Variants in EFNA5 observed in about 807,000 individuals in gnomAD.
EFNA5 encodes the protein ephrin-A5.
In EFNA5, 5 loss-of-function variants were observed where a neutral mutation model predicts 22.9. The observed-to-expected ratio is 0.22, with a 90% CI of 0.11 to 0.46. The LOEUF is 0.46. Ranked by LOEUF, EFNA5 falls within the 20% of genes least tolerant of loss-of-function variation. The pLI, the probability that EFNA5 is intolerant of heterozygous loss-of-function variation, is 0.99. For synonymous variants in EFNA5, 113 were observed against 112.2 expected, an observed-to-expected ratio of 1.01 and a Z score of -0.04; for missense variants, 237 against 293.3, an observed-to-expected ratio of 0.81 and a Z score of 1.40.
rs398065084 is a variant in EFNA5, at chr5:107,376,988, G to GT, written c.*4266dup. 0.063 allele frequency: 9,253 copies of GT among 146,668 alleles called. 921 individuals are homozygous for GT. The highest frequency in any genetic ancestry group is 0.21 in the African/African-American group (8,500 of 40,344). 9.1% of individuals were successfully genotyped at this position (146,668 alleles called of 1,614,324 possible). On this transcript the variant is annotated 3_prime_UTR_variant, in exon 5 of 5. Coordinates refer to ENST00000333274, the MANE Select transcript of EFNA5 (RefSeq NM_001962.3). ...ATCGTATGGGTTTGTTTGTGTGTGG[G>GT]TTTTTTTTTTTTACATTTTCTTTTA...
intron 1 of EFNA5, among the ~76,000 whole-genome samples, chr5:107,612,367 T>A (rs1050113560): frequency 6.6e-6 from 1 of 152,154 alleles, no homozygotes; most frequent in Non-Finnish European, 1.5e-5. Context: ...CCATCTTATA[T>A]GGCCTCCTCT....
At chr5:107,585,334 T>A (rs1270073040) in intron 1 of EFNA5, among the ~76,000 whole-genome samples, 1 of 152,168 alleles carries the variant, frequency 6.6e-6, no homozygotes, top group Admixed American at 6.5e-5. Flanking sequence ...TTGCACTACA[T>A]CAAGGGCACA....
At chr5:107,528,595 C>A (rs1296500624) in intron 1 of EFNA5, among the ~76,000 whole-genome samples, 1 of 152,074 alleles carries the variant, frequency 6.6e-6, no homozygotes, top group East Asian at 1.9e-4. Context: ...TTCCATACAC[C>A]TCTATTCTTG....
At chr5:107,545,773 G>A (rs747995527) in intron 1 of EFNA5, among the ~76,000 whole-genome samples, 2 of 152,026 alleles carry the variant, frequency 1.3e-5, no homozygotes, top group Non-Finnish European at 2.9e-5. Context: ...TAATCAACTC[G>A]GCTTCAACAG....
chr5:107,536,314 A>C (rs1056913886), intron 1 of EFNA5, among the ~76,000 whole-genome samples: 3 of 152,214 alleles, frequency 2.0e-5, no homozygotes, highest in Non-Finnish European at 4.4e-5. Flanking sequence ...AAGAAATCCT[A>C]ATTTAATAGG....
chr5:107,397,556 A>G lies in EFNA5; in HGVS notation c.419-9785T>C, dbSNP rs182503441. 1.8e-3 allele frequency among the ~76,000 whole-genome samples: 270 copies of G among 151,728 alleles called. 2 individuals carry two copies. The highest frequency in any genetic ancestry group is 0.01 in the Middle Eastern group (3 of 292). ...GAGTGAGACTCCATCTCAAAAAAAA[A>G]AAGGGTGGGGGTAATTATCTATTTT... On this transcript the variant is annotated intron_variant, in intron 2 of 4. Coordinates refer to ENST00000333274, the MANE Select transcript of EFNA5 (RefSeq NM_001962.3).
chr5:107,540,451 G>C (rs982934987), intron 1 of EFNA5, among the ~76,000 whole-genome samples: 1 of 152,122 alleles, frequency 6.6e-6, no homozygotes, highest in African/African-American at 2.4e-5. Context: ...AACAAAAGCT[G>C]ATTATCTGCT....
intron 1 of EFNA5, among the ~76,000 whole-genome samples, chr5:107,569,963 G>A (rs927296776): frequency 1.3e-5 from 2 of 151,382 alleles, no homozygotes; most frequent in African/African-American, 4.9e-5. Context: ...TAAAATATCA[G>A]AAGATCACTG....
chr5:107,404,008 A>AATCATATAG (rs1352828027), intron 2 of EFNA5, among the ~76,000 whole-genome samples: 1 of 152,242 alleles, frequency 6.6e-6, no homozygotes, highest in Admixed American at 6.5e-5. Flanking sequence ...AATAGCCCAG[A>AATCATATAG]ATCATATAGC....
chr5:107,409,626 A>G (rs1748308577), intron 2 of EFNA5, among the ~76,000 whole-genome samples: 1 of 152,216 alleles, frequency 6.6e-6, no homozygotes, highest in Admixed American at 6.5e-5. Flanking sequence ...TATTTTCATC[A>G]AAGAATGTAA....
intron 4 of EFNA5, among the ~76,000 whole-genome samples, chr5:107,382,008 T>C (rs964371728): frequency 6.6e-6 from 1 of 152,246 alleles, no homozygotes; most frequent in African/African-American, 2.4e-5. Context: ...GTGCTATTTC[T>C]ATTACAAACC....
chr5:107,419,940 C>T (rs1380370718), intron 2 of EFNA5, among the ~76,000 whole-genome samples: 4 of 152,186 alleles, frequency 2.6e-5, no homozygotes, highest in Non-Finnish European at 5.9e-5. Flanking sequence ...GTCATTTCCC[C>T]TGCAAGAGTA....
rs1416208448 is a variant in EFNA5 at position 107,592,020 on chromosome 5, A to T, written c.125+78469T>A. 7.0e-5 allele frequency among the ~76,000 whole-genome samples: 4 copies of T among 57,108 alleles called. 1 individual carries two copies. Among genetic ancestry groups the T allele is most frequent in the African/African-American group, 3.6e-4 (4 of 11,196 alleles). The allele number at this position is 57,108 out of a possible 152,430, so 37.5% of individuals were successfully genotyped here. A position where few individuals can be genotyped will look rare whatever the true frequency, so the allele number is the denominator to read the frequency against. On this transcript the variant is annotated intron_variant, in intron 1 of 4. Transcript: ENST00000333274. ...ATATAATATATAATATATATAATAT[A>T]ATATATATTATATATTATATATATT...
At chr5:107,584,005 C>T (rs1749127073) in intron 1 of EFNA5, among the ~76,000 whole-genome samples, 1 of 152,140 alleles carries the variant, frequency 6.6e-6, no homozygotes, top group Non-Finnish European at 1.5e-5. Flanking sequence ...CAGAAGAATC[C>T]ACTGTGGATC....
chr5:107,591,920 ATATATAATATATAAT>A (rs1303812387), intron 1 of EFNA5, among the ~76,000 whole-genome samples: 2,144 of 11,700 alleles, frequency 0.18, 169 homozygotes, highest in South Asian at 0.21. Context: ...TAAAAAATAT[ATATATAATATATAAT>A]ATATATATTA....
chr5:107,670,717 A>G lies in EFNA5; in HGVS notation c.-104T>C. 1 of 1,436,484 alleles carries G rather than the reference A, an allele frequency of 7.0e-7. No individual in the cohort carries two copies. The highest frequency in any genetic ancestry group is 9.3e-7 in the Non-Finnish European group (1 of 1,072,668). The allele number at this position is 1,436,484 out of a possible 1,614,324, so 89.0% of individuals were successfully genotyped here. On this transcript the variant is annotated 5_prime_UTR_variant, in exon 1 of 5. Coordinates refer to ENST00000333274, the MANE Select transcript of EFNA5 (RefSeq NM_001962.3). ...AGGGACAGAGAGAGAGCGGGCGCCA[A>G]ATAAATATGAATAAATAAAAATGAA...
intron 1 of EFNA5, among the ~76,000 whole-genome samples, chr5:107,491,830 AATT>A (rs772321627): frequency 1.4e-4 from 21 of 152,136 alleles, no homozygotes; most frequent in Non-Finnish European, 2.4e-4. Context: ...AAATACTAAA[AATT>A]AAATTAATTA....
rs1326384376 is a variant in EFNA5 at position 107,428,410 on chromosome 5, T to C, written c.126-901A>G. 2.0e-5 allele frequency among the ~76,000 whole-genome samples: 3 copies of C among 152,164 alleles called. No homozygotes were observed. In the South Asian group the frequency reaches 6.2e-4, roughly 31 times the overall value. The stretch of plus-strand genomic sequence containing the variant: ...CTAGTTAAAAATGTACACACCTGAA[T>C]ACACACACCTCCCACCACAAACACC... On this transcript the variant is annotated intron_variant, in intron 1 of 4. Coordinates refer to ENST00000333274, the MANE Select transcript of EFNA5 (RefSeq NM_001962.3).
intron 1 of EFNA5, among the ~76,000 whole-genome samples, chr5:107,636,843 G>A (rs1750382459): frequency 6.6e-6 from 1 of 152,206 alleles, no homozygotes; most frequent in Non-Finnish European, 1.5e-5. Flanking sequence ...GGGCAGTGGC[G>A]TGATGACACA....
Sources: allele counts gnomAD v4.1 joint callset (sites outside exome capture counted in the v4.1 genomes callset), GRCh38; gene constraint gnomAD v4.1.1; transcripts MANE v1.5; gene names NCBI Gene and HGNC (gene_info 2026-07-23, HGNC 2026-07-21).